The following RPS6KA2 variants were observed in gnomAD, a reference collection of about 807,000 sequenced individuals.
RPS6KA2 encodes the protein ribosomal protein S6 kinase A2.
RPS6KA2 carries 42 observed loss-of-function variants against 91.8 expected under a neutral mutation model. That is an observed-to-expected ratio of 0.46 (90% CI 0.36 to 0.59). The LOEUF (loss-of-function observed/expected upper bound fraction) is 0.59. RPS6KA2 is among the 20% of genes least tolerant of loss of function. The pLI is 0.00. For synonymous variants in RPS6KA2, 414 were observed against 393.6 expected, an observed-to-expected ratio of 1.05 and a Z score of -0.61; for missense variants, 798 against 978.5, an observed-to-expected ratio of 0.82 and a Z score of 2.46.
rs924699747 is a variant in RPS6KA2 at position 166,411,505 on chromosome 6, C to G, written c.*1257G>C. The G allele has an allele frequency of 6.6e-6, 1 of 152,276 alleles. No homozygotes were observed. Among genetic ancestry groups the G allele is most frequent in the African/African-American group, 2.4e-5 (1 of 41,418 alleles). The allele number at this position is 152,276 out of a possible 1,614,324, so 9.4% of individuals were successfully genotyped here. ...TGGACTGGGCGTCGATCCTGCTGCC[C>G]GGAACCTCTCACTCGATTTTACTCA... On this transcript the variant is annotated 3_prime_UTR_variant, in exon 21 of 21. Coordinates refer to ENST00000265678, the MANE Select transcript of RPS6KA2 (RefSeq NM_021135.6). The surrounding 1 kb of genome is among the most constrained non-coding windows in gnomAD (Gnocchi z 4.5).
chr6:166,829,589 CAAAAAAAAAAAAAAA>C (rs57711560), intron 2 of RPS6KA2, among the ~76,000 whole-genome samples: 2 of 96,938 alleles, frequency 2.1e-5, no homozygotes, highest in African/African-American at 9.5e-5. Context: ...GACTCTGTCT[CAAAAAAAAAAAAAAA>C]AAAAAAAAAA....
intron 16 of RPS6KA2, among the ~76,000 whole-genome samples, chr6:166,429,708 C>A (rs1779056632): frequency 6.6e-6 from 1 of 152,256 alleles, no homozygotes; most frequent in East Asian, 1.9e-4. Flanking sequence ...GCATCAGCCT[C>A]CCAAAGTGCT....
chr6:166,837,028 T>C (rs1204078734), intron 2 of RPS6KA2, among the ~76,000 whole-genome samples: 1 of 152,196 alleles, frequency 6.6e-6, no homozygotes, highest in Non-Finnish European at 1.5e-5. Context: ...CAGTACCCGC[T>C]GCACCCTCAG....
intron 10 of RPS6KA2, among the ~76,000 whole-genome samples, chr6:166,482,317 G>A (rs1170993899): frequency 6.6e-6 from 1 of 152,234 alleles, no homozygotes; most frequent in East Asian, 1.9e-4. Flanking sequence ...GTTGTCACCA[G>A]TTTCTGGCAG....
At chr6:166,811,807 CA>C (rs1779645677) in intron 2 of RPS6KA2, among the ~76,000 whole-genome samples, 1 of 152,216 alleles carries the variant, frequency 6.6e-6, no homozygotes, top group South Asian at 2.1e-4. Flanking sequence ...TCTTCTTAAT[CA>C]AGTTATCATA....
intron 3 of RPS6KA2, among the ~76,000 whole-genome samples, chr6:166,512,742 G>C (rs1423170187): frequency 6.6e-6 from 1 of 152,342 alleles, no homozygotes; most frequent in Admixed American, 6.5e-5. Context: ...AACCGGATGA[G>C]ATGGCTCCCC....
intron 14 of RPS6KA2, among the ~76,000 whole-genome samples, chr6:166,444,024 C>T (rs1256176464): frequency 6.6e-6 from 1 of 152,076 alleles, no homozygotes; most frequent in African/African-American, 2.4e-5. Context: ...TACATATTCC[C>T]CCACCAATAT....
In RPS6KA2 at chr6:166,491,075, T is replaced by A. The variant is rs1338403147; in HGVS notation, c.748-334A>T. 2.0e-5 allele frequency among the ~76,000 whole-genome samples: 3 copies of A among 152,062 alleles called. No individual in the cohort carries two copies. The East Asian group carries it at 5.8e-4, about 29-fold the overall frequency. On this transcript the variant is annotated intron_variant, in intron 8 of 20. Coordinates refer to ENST00000265678, the MANE Select transcript of RPS6KA2 (RefSeq NM_021135.6). Reference sequence around the variant, plus strand: ...TGGACGAACACATCTTACACGCGGTTTAGGAACCTGTCCTGCCCTGGCAGG... The same window carrying A: ...TGGACGAACACATCTTACACGCGGTATAGGAACCTGTCCTGCCCTGGCAGG...
chr6:166,416,775 A>G (rs1362540004), intron 19 of RPS6KA2, among the ~76,000 whole-genome samples: 1 of 148,068 alleles, frequency 6.8e-6, no homozygotes, highest in East Asian at 2.0e-4. Flanking sequence ...CTCCACCATC[A>G]TTTCCACAAT....
intron 3 of RPS6KA2, among the ~76,000 whole-genome samples, chr6:166,519,674 C>T (rs374759273): frequency 4.6e-5 from 7 of 152,128 alleles, no homozygotes; most frequent in Admixed American, 2.0e-4. Context: ...CAGGAAAACA[C>T]GGGAGGAAGC....
intron 1 of RPS6KA2, among the ~76,000 whole-genome samples, chr6:166,625,570 T>C (rs1279661202): frequency 1.3e-5 from 2 of 151,934 alleles, no homozygotes; most frequent in Non-Finnish European, 2.9e-5. Context: ...AGTTGTCTAA[T>C]AAACTTGGCA....
At chr6:166,740,926 C>T (rs528718849) in intron 2 of RPS6KA2, among the ~76,000 whole-genome samples, 1 of 152,366 alleles carries the variant, frequency 6.6e-6, no homozygotes, top group South Asian at 2.1e-4. Context: ...CCTCTGTTAA[C>T]AGAACTCACA....
intron 2 of RPS6KA2, among the ~76,000 whole-genome samples, chr6:166,641,162 G>A (rs1213523162): frequency 1.3e-5 from 2 of 152,164 alleles, no homozygotes; most frequent in South Asian, 4.1e-4. Context: ...TAAGGGGCAT[G>A]AGCTCGCAAA....
At chr6:166,836,544 C>A (rs1359645102) in intron 2 of RPS6KA2, among the ~76,000 whole-genome samples, 1 of 152,098 alleles carries the variant, frequency 6.6e-6, no homozygotes, top group Non-Finnish European at 1.5e-5. Flanking sequence ...GAATACTTCA[C>A]CTCTGGTATC....
intron 1 of RPS6KA2, among the ~76,000 whole-genome samples, chr6:166,565,341 C>A (rs779599336): frequency 6.6e-6 from 1 of 152,232 alleles, no homozygotes; most frequent in Admixed American, 6.5e-5. Context: ...TGTTCTTCTG[C>A]GGTGTGCTTC....
intron 3 of RPS6KA2, among the ~76,000 whole-genome samples, chr6:166,517,964 C>T (rs774752251): frequency 6.6e-5 from 10 of 152,096 alleles, no homozygotes; most frequent in South Asian, 2.1e-4. Context: ...AATCTCTGTT[C>T]GAGGCTCTTA....
intron 2 of RPS6KA2, among the ~76,000 whole-genome samples, chr6:166,843,200 T>A (rs562986506): frequency 1.6e-3 from 246 of 151,884 alleles, no homozygotes; most frequent in African/African-American, 5.7e-3. Flanking sequence ...CACACCCCCA[T>A]CCCCCACAGC....
At position 166,494,327 on chromosome 6, in the gene RPS6KA2, C is replaced by T. The variant is rs1171792671; in HGVS notation, c.748-3586G>A. On this transcript the variant is annotated intron_variant, in intron 8 of 20. Coordinates refer to ENST00000265678, the MANE Select transcript of RPS6KA2 (RefSeq NM_021135.6). This position sits in a 1 kb window ranked among gnomAD's most constrained non-coding sequence, Gnocchi z 5.1. ...GTCTCAAAACAGCCTTGGAAGGTGC[C>T]GTTCCTCACAACCGTCTACAGATGA... Among the ~76,000 whole-genome samples, 1 of 152,158 alleles carries T rather than the reference C, an allele frequency of 6.6e-6. No individual in the cohort carries two copies. The highest frequency in any genetic ancestry group is 1.5e-5 in the Non-Finnish European group (1 of 68,040).
intron 10 of RPS6KA2, among the ~76,000 whole-genome samples, chr6:166,476,386 C>A (rs1024295600): frequency 6.6e-6 from 1 of 152,202 alleles, no homozygotes; most frequent in African/African-American, 2.4e-5. Flanking sequence ...GAAACTCACA[C>A]AGAGGGGCGG....
Sources: allele counts gnomAD v4.1 joint callset (sites outside exome capture counted in the v4.1 genomes callset), GRCh38; gene constraint gnomAD v4.1.1; non-coding constraint Gnocchi (gnomAD v3.1); transcripts MANE v1.5; gene names NCBI Gene and HGNC (gene_info 2026-07-23, HGNC 2026-07-21).